The following MYO3A variants were observed in gnomAD, a reference collection of about 807,000 sequenced individuals.
MYO3A encodes myosin IIIA, also known as myosin-IIIa.
MYO3A carries 180 observed loss-of-function variants against 192.7 expected under a neutral mutation model. The ratio of observed to expected loss-of-function variants is 0.93; its 90% CI spans 0.83 to 1.06. The LOEUF (loss-of-function observed/expected upper bound fraction) is 1.06, where lower values mean the gene tolerates loss of function less well. Ranked by LOEUF, MYO3A falls within the 50% of genes least tolerant of loss-of-function variation. The pLI is 0.00. For synonymous variants in MYO3A, 628 were observed against 645.3 expected (o/e 0.97, Z 0.41); for missense variants, 1,896 against 1,905.0 (o/e 1.00, Z 0.09).
intron 6 of MYO3A, among the ~76,000 whole-genome samples, chr10:26,004,119 T>C (rs11014897): frequency 0.094 from 14,343 of 151,894 alleles, 1,189 homozygotes; most frequent in African/African-American, 0.21. Flanking sequence ...CAGTTTGGAG[T>C]CTGAGAGGGG....
intron 30 of MYO3A, among the ~76,000 whole-genome samples, chr10:26,175,324 C>G (rs1842271273): frequency 6.6e-6 from 1 of 152,198 alleles, no homozygotes; most frequent in Non-Finnish European, 1.5e-5. Context: ...CTTTCTCTTT[C>G]TAGGCATTTA....
intron 26 of MYO3A, among the ~76,000 whole-genome samples, chr10:26,162,465 CATTTATG>C (rs901764708): frequency 6.6e-6 from 1 of 152,148 alleles, no homozygotes; most frequent in African/African-American, 2.4e-5. Context: ...TGTAATCTCT[CATTTATG>C]ATTTCCAGTT....
At chr10:26,145,582 T>G (rs1320949751) in intron 22 of MYO3A, 48 bp downstream of exon 22, 1 of 1,344,890 alleles carries the variant, frequency 7.4e-7, no homozygotes, top group African/African-American at 1.4e-5. Context: ...AGCCTTTTAA[T>G]GAATAATAGG....
At chr10:26,047,688 T>C (rs1198415012) in intron 10 of MYO3A, among the ~76,000 whole-genome samples, 1 of 152,002 alleles carries the variant, frequency 6.6e-6, no homozygotes, top group Non-Finnish European at 1.5e-5. Flanking sequence ...GGCAGGAGAA[T>C]GGCATGAACC....
chr10:26,187,712 A>G (rs545484282), intron 31 of MYO3A, among the ~76,000 whole-genome samples: 3 of 136,874 alleles, frequency 2.2e-5, no homozygotes, highest in South Asian at 4.5e-4. Flanking sequence ...TCATTGTTCA[A>G]TTCCCACCTG....
intron 14 of MYO3A, among the ~76,000 whole-genome samples, chr10:26,087,204 A>G (rs1269681264): frequency 6.6e-6 from 1 of 152,194 alleles, no homozygotes; most frequent in Non-Finnish European, 1.5e-5. Flanking sequence ...GGCCAGCCCA[A>G]AGCATTTTAA....
At chr10:26,210,396 C>T (rs1844169872) in intron 34 of MYO3A, among the ~76,000 whole-genome samples, 1 of 152,152 alleles carries the variant, frequency 6.6e-6, no homozygotes, top group African/African-American at 2.4e-5. Flanking sequence ...AAAGCCTTGG[C>T]GACATTCTTG....
intron 3 of MYO3A, 108 bp from the exon 4 acceptor site, chr10:25,954,766 T>C (rs1837428995): frequency 1.7e-6 from 2 of 1,209,784 alleles, no homozygotes. Flanking sequence ...GTAAAAACTA[T>C]TATGACCTTG....
At chr10:25,966,228 C>A (rs1041152920) in intron 4 of MYO3A, among the ~76,000 whole-genome samples, 8 of 152,084 alleles carry the variant, frequency 5.3e-5, no homozygotes, top group African/African-American at 1.9e-4. Flanking sequence ...AAAAGATGAC[C>A]TCTGTCATTT....
chr10:25,965,582 C>T (rs1838207767), intron 4 of MYO3A, among the ~76,000 whole-genome samples: 1 of 152,048 alleles, frequency 6.6e-6, no homozygotes, highest in Non-Finnish European at 1.5e-5. Flanking sequence ...AGTCCACTGT[C>T]TCTGGGCCCT....
At chr10:26,096,793 A>C in intron 17 of MYO3A, 111 bp downstream of exon 17, 1 of 751,574 alleles carries the variant, frequency 1.3e-6, no homozygotes, top group Non-Finnish European at 2.3e-6. Flanking sequence ...CTTTACATAA[A>C]TTGAAACAGC....
chr10:26,183,199 A>G (rs1373226836), intron 31 of MYO3A, among the ~76,000 whole-genome samples: 2 of 152,148 alleles, frequency 1.3e-5, no homozygotes, highest in Admixed American at 6.5e-5. Context: ...TGGGGCAGGA[A>G]CCTTACCTGA....
chr10:25,989,212 C>T lies in MYO3A; in HGVS notation c.304-7278C>T, dbSNP rs79697290. On this transcript the variant is annotated intron_variant, in intron 4 of 34. Coordinates refer to ENST00000642920, the MANE Select transcript of MYO3A (RefSeq NM_017433.5). ...CCTTTCACCTTGGCCTGCTAAAGGG[C>T]TGGATTACAGATGTGAGCCACTGCA... Among the ~76,000 whole-genome samples, 1,238 of 150,942 alleles carry T rather than the reference C, an allele frequency of 8.2e-3. 13 individuals are homozygous for T. The highest frequency in any genetic ancestry group is 0.028 in the African/African-American group (1,146 of 41,102).
At chr10:25,993,784 C>G (rs554211979) in intron 4 of MYO3A, among the ~76,000 whole-genome samples, 6 of 152,206 alleles carry the variant, frequency 3.9e-5, no homozygotes, top group Admixed American at 2.6e-4. Flanking sequence ...AGTTGTCATT[C>G]AGGAGCATAT....
chr10:26,090,523 T>C (rs947659695), intron 15 of MYO3A, among the ~76,000 whole-genome samples: 2 of 152,242 alleles, frequency 1.3e-5, no homozygotes, highest in Admixed American at 6.5e-5. Flanking sequence ...AGTGGAAATA[T>C]AACTCAGTTA....
At chr10:26,029,408 A>G (rs1339811) in intron 10 of MYO3A, among the ~76,000 whole-genome samples, 21,769 of 152,122 alleles carry the variant, frequency 0.14, 1,823 homozygotes, top group East Asian at 0.35. Context: ...ATTTTACCTC[A>G]CATGTCTTGC....
At chr10:26,068,272 C>T (rs184434050) in intron 11 of MYO3A, among the ~76,000 whole-genome samples, 6 of 152,148 alleles carry the variant, frequency 3.9e-5, no homozygotes, top group Non-Finnish European at 7.4e-5. Context: ...AATTCATTTA[C>T]TCAAATGACT....
At chr10:25,942,028 GTC>G (rs1297366202) in intron 2 of MYO3A, among the ~76,000 whole-genome samples, 75 of 143,220 alleles carry the variant, frequency 5.2e-4, no homozygotes, top group African/African-American at 1.8e-3. Context: ...TTTAGATGGA[GTC>G]TCTCTCTGTC....
At chr10:25,996,372 A>G (rs1840439959) in intron 4 of MYO3A, 118 bp from the exon 5 acceptor site, 2 of 768,292 alleles carry the variant, frequency 2.6e-6, no homozygotes, top group Admixed American at 2.1e-5. Context: ...AGATAATGGC[A>G]TTAATCATTT....
Sources: gnomAD v4.1 joint callset for allele counts (sites outside exome capture counted in the v4.1 genomes callset) on GRCh38, gnomAD v4.1.1 for gene constraint, MANE v1.5 for transcripts, NCBI Gene and HGNC (gene_info 2026-07-23, HGNC 2026-07-21) for gene names.